Variants in STIM1 observed in about 807,000 individuals in gnomAD.
The protein encoded by STIM1 is stromal interaction molecule 1.
A neutral mutation model predicts 74.7 loss-of-function variants in STIM1; 25 were observed. The ratio of observed to expected loss-of-function variants is 0.33; its 90% CI spans 0.24 to 0.47. The LOEUF is 0.47. Ranked by LOEUF, STIM1 falls within the 20% of genes least tolerant of loss-of-function variation. STIM1 has a pLI of 1.00. For synonymous variants in STIM1, 328 were observed against 348.8 expected (o/e 0.94, Z 0.66); for missense variants, 728 against 920.8 (o/e 0.79, Z 2.71).
Position 4,004,824 on chromosome 11 carries a change from C to T in STIM1, c.271-19049C>T, listed in dbSNP as rs541547789. On this transcript the variant is annotated intron_variant, in intron 2 of 12. Coordinates refer to ENST00000526596, the MANE Select transcript of STIM1 (RefSeq NM_001382567.1). ...AACTGACAAAATGGGAGAAAATTTT[C>T]GCAACCTACTCATCTGACAAAGGGC... Among the ~76,000 whole-genome samples the T allele has an allele frequency of 1.9e-3, 289 of 152,238 alleles. 2 individuals carry two copies. The highest frequency in any genetic ancestry group is 5.5e-3 in the African/African-American group (227 of 41,544).
chr11:4,055,385 A>G (rs1565162000), intron 3 of STIM1, 141 bp from the exon 4 acceptor site: 1 of 708,548 alleles, frequency 1.4e-6, no homozygotes, highest in South Asian at 1.5e-5. Flanking sequence ...CTCACAGTGT[A>G]TACTCCTTTC....
chr11:3,874,192 C>A (rs1016142458), intron 1 of STIM1, among the ~76,000 whole-genome samples: 1 of 152,120 alleles, frequency 6.6e-6, no homozygotes, highest in East Asian at 1.9e-4. Context: ...TGGATGTGGC[C>A]TGGGTTTCTG....
intron 1 of STIM1, among the ~76,000 whole-genome samples, chr11:3,881,861 C>T (rs1044604714): frequency 2.7e-4 from 41 of 151,324 alleles, no homozygotes; most frequent in African/African-American, 9.9e-4. Flanking sequence ...TTACTAGAGA[C>T]GGGGTTCGCC....
intron 3 of STIM1, among the ~76,000 whole-genome samples, chr11:4,028,263 A>G (rs369588109): frequency 6.7e-6 from 1 of 150,084 alleles, no homozygotes; most frequent in South Asian, 2.1e-4. Flanking sequence ...TGTATTTTTA[A>G]CGGAGATGGG....
At position 4,091,661 on chromosome 11, in the gene STIM1, AAC is replaced by A. The variant is rs1160957295; in HGVS notation, c.2019_2020del (p.Arg674HisfsTer12). ...GDSRALQASR[N>X]TRIPHLAGKK... ...CAGCCGAGCCCTGCAAGCCAGCCGA[AAC>A]ACACGCATTCCCCACCTGGCTGGCA... On this transcript the variant is annotated frameshift_variant, in exon 13 of 13. Coordinates refer to ENST00000526596, the MANE Select transcript of STIM1 (RefSeq NM_001382567.1). LOFTEE classifies it high-confidence loss of function. 6.2e-7 allele frequency: 1 copy of A among 1,614,246 alleles called. No homozygotes were observed. Among genetic ancestry groups the A allele is most frequent in the Non-Finnish European group, 8.5e-7 (1 of 1,180,050 alleles).
At chr11:4,058,972 C>A in intron 4 of STIM1, 4 of 1,171,674 alleles carry the variant, frequency 3.4e-6, no homozygotes, top group South Asian at 1.7e-5. Flanking sequence ...AGAGGATAAA[C>A]CCTGGAAGGA....
intron 12 of STIM1, 77 bp downstream of exon 12, chr11:4,086,620 C>T (rs2094494985): frequency 5.7e-6 from 9 of 1,592,704 alleles, no homozygotes; most frequent in African/African-American, 1.3e-5. Flanking sequence ...TTCATCTGGA[C>T]AGTCTTTCAG....
intron 2 of STIM1, among the ~76,000 whole-genome samples, chr11:3,984,998 G>A (rs2093544712): frequency 6.6e-6 from 1 of 152,144 alleles, no homozygotes; most frequent in Non-Finnish European, 1.5e-5. Context: ...CAGCACGCAG[G>A]CAAGGGTACC....
intron 1 of STIM1, among the ~76,000 whole-genome samples, chr11:3,913,191 T>G (rs985522309): frequency 5.3e-5 from 8 of 150,936 alleles, no homozygotes; most frequent in Middle Eastern, 6.8e-3. Context: ...TCAAGTTGCT[T>G]TTTTTTTTCT....
intron 2 of STIM1, among the ~76,000 whole-genome samples, chr11:4,009,610 AAATAATAATAAT>A (rs138315167): frequency 3.9e-4 from 59 of 150,262 alleles, no homozygotes; most frequent in African/African-American, 1.4e-3. Context: ...CTCCATCTCA[AAATAATAATAAT>A]AATAATAATA....
chr11:3,993,693 T>A (rs1392401181), intron 2 of STIM1, among the ~76,000 whole-genome samples: 2 of 152,030 alleles, frequency 1.3e-5, no homozygotes, highest in African/African-American at 4.8e-5. Flanking sequence ...CCAAAAATAT[T>A]CTTTGTCATT....
intron 3 of STIM1, among the ~76,000 whole-genome samples, chr11:4,026,422 GT>G (rs2093998116): frequency 6.6e-6 from 1 of 152,160 alleles, no homozygotes; most frequent in Non-Finnish European, 1.5e-5. Flanking sequence ...GTTTCTAAGT[GT>G]TTTACATATA....
chr11:3,934,737 A>G (rs1362034503), intron 1 of STIM1, among the ~76,000 whole-genome samples: 2 of 152,120 alleles, frequency 1.3e-5, no homozygotes, highest in African/African-American at 4.8e-5. Flanking sequence ...TCCATAATTC[A>G]CTGTTTTGTG....
intron 1 of STIM1, among the ~76,000 whole-genome samples, chr11:3,905,405 G>GAGAC (rs571488169): frequency 7.6e-4 from 116 of 151,874 alleles, no homozygotes; most frequent in African/African-American, 2.2e-3. Context: ...GGGTGGAGTG[G>GAGAC]AGACCTGAGC....
intron 3 of STIM1, among the ~76,000 whole-genome samples, chr11:4,034,262 T>TTA (rs139115730): frequency 0.25 from 38,256 of 150,490 alleles, 5,956 homozygotes; most frequent in South Asian, 0.46. Flanking sequence ...AATAACAAAA[T>TTA]TATATATATA....
intron 7 of STIM1, among the ~76,000 whole-genome samples, chr11:4,075,619 A>G (rs1291111196): frequency 6.6e-6 from 1 of 150,744 alleles, no homozygotes; most frequent in African/African-American, 2.4e-5. Context: ...TAATTTATCC[A>G]CTCTTCTGTT....
chr11:3,918,561 G>C (rs2092680100), intron 1 of STIM1, among the ~76,000 whole-genome samples: 1 of 151,490 alleles, frequency 6.6e-6, no homozygotes, highest in African/African-American at 2.4e-5. Flanking sequence ...AAGAAAGAAA[G>C]AAAGAAAGAT....
At chr11:4,086,613 A>T (rs772941189) in intron 12 of STIM1, 70 bp downstream of exon 12, 6 of 1,600,370 alleles carry the variant, frequency 3.7e-6, no homozygotes, top group East Asian at 4.5e-5. Flanking sequence ...GCAGCCTTTC[A>T]TCTGGACAGT....
intron 3 of STIM1, among the ~76,000 whole-genome samples, chr11:4,030,255 G>A (rs1288432412): frequency 2.0e-5 from 3 of 151,704 alleles, no homozygotes; most frequent in Non-Finnish European, 4.4e-5. Flanking sequence ...TTTGAACCCA[G>A]GGTATGGAGG....
Sources: allele counts gnomAD v4.1 joint callset (sites outside exome capture counted in the v4.1 genomes callset), GRCh38; gene constraint gnomAD v4.1.1; transcripts MANE v1.5; gene names NCBI Gene and HGNC (gene_info 2026-07-23, HGNC 2026-07-21).